Variants in ITSN1 observed in about 807,000 individuals in gnomAD.
ITSN1 encodes intersectin-1.
In ITSN1, 58 loss-of-function variants were observed where a neutral mutation model predicts 239.8. The ratio of observed to expected loss-of-function variants is 0.24; its 90% CI spans 0.20 to 0.30. The LOEUF is 0.30. Among genes scored for constraint, ITSN1 ranks in the 10% least tolerant of loss-of-function variants. The pLI, the probability that ITSN1 is intolerant of heterozygous loss-of-function variation, is 1.00. For missense variants in ITSN1, 1,558 were observed against 2,103.3 expected (o/e 0.74, Z 5.07); for synonymous variants, 780 against 770.8 (o/e 1.01, Z -0.20).
intron 5 of ITSN1, among the ~76,000 whole-genome samples, chr21:33,749,337 AT>A (rs2067395751): frequency 6.6e-6 from 1 of 152,048 alleles, no homozygotes. Context: ...TGGTTAGAAT[AT>A]TTTTGTATAA....
chr21:33,812,586 C>A (rs1365881072), intron 21 of ITSN1, among the ~76,000 whole-genome samples: 2 of 152,186 alleles, frequency 1.3e-5, no homozygotes, highest in East Asian at 3.8e-4. Context: ...GCACCCTTGA[C>A]CTCCTGGGCT....
intron 5 of ITSN1, among the ~76,000 whole-genome samples, chr21:33,747,658 T>G (rs940916786): frequency 1.9e-4 from 29 of 152,130 alleles, no homozygotes; most frequent in African/African-American, 6.8e-4. Flanking sequence ...TTGAAAACAA[T>G]GGAGGTTAGA....
At position 33,865,301 on chromosome 21, in the gene ITSN1, G is replaced by A. The variant is rs751375344; in HGVS notation, c.4041G>A (p.Thr1347=). The change falls in exon 32 of 40, where the codon ACG becomes ACA. Residue 1347 remains threonine, a synonymous_variant. Coordinates refer to ENST00000381318, the MANE Select transcript of ITSN1 (RefSeq NM_003024.3). This position sits in a 1 kb window ranked among gnomAD's most constrained non-coding sequence, Gnocchi z 4.4. ...GGGCTGCCCTGATCCAGCAGAAGACGGATGAGGCCCCAGACTTCAAGGAGT... is the reference window on the plus strand; with the variant it reads ...GGGCTGCCCTGATCCAGCAGAAGACAGATGAGGCCCCAGACTTCAAGGAGT... The part of the protein sequence containing the change: ...LNGAALIQQK[T]DEAPDFKEFV... 3.4e-5 allele frequency: 54 copies of A among 1,588,172 alleles called. No homozygotes were observed. Among genetic ancestry groups the A allele is most frequent in the African/African-American group, 4.0e-5 (3 of 74,622 alleles).
chr21:33,786,335 AAAC>A (rs1231459070), intron 16 of ITSN1, among the ~76,000 whole-genome samples: 1 of 152,214 alleles, frequency 6.6e-6, no homozygotes, highest in African/African-American at 2.4e-5. Flanking sequence ...CACGTTCTAG[AAAC>A]AACAATTTAA....
rs187048850 is a variant in ITSN1 at position 33,780,558 on chromosome 21, G to T, written c.1597-903G>T. Among the ~76,000 whole-genome samples, 387 of 152,236 alleles carry T rather than the reference G, an allele frequency of 2.5e-3. 2 individuals are homozygous for T. The highest frequency in any genetic ancestry group is 1.2e-3 in the Non-Finnish European group (81 of 68,012). ...ACCATTTAGACATGCATTACACAGA[G>T]ATTTATTCCACATAAGCCAGTCTGT... is the stretch of plus-strand genomic sequence containing the variant. On this transcript the variant is annotated intron_variant, in intron 14 of 39. Transcript: ENST00000381318.
chr21:33,741,669 G>C (rs762961689), intron 5 of ITSN1, among the ~76,000 whole-genome samples: 4 of 152,010 alleles, frequency 2.6e-5, no homozygotes, highest in African/African-American at 4.8e-5. Flanking sequence ...CAGGTGGGCG[G>C]ATCATGAGGT....
chr21:33,788,417 A>G (rs2070835772), intron 16 of ITSN1, among the ~76,000 whole-genome samples: 1 of 152,222 alleles, frequency 6.6e-6, no homozygotes. Context: ...TTCAAACAGT[A>G]TATCCCATTT....
chr21:33,884,891 A>G, intron 36 of ITSN1, 150 bp from the exon 37 acceptor site: 1 of 627,576 alleles, frequency 1.6e-6, no homozygotes, highest in Non-Finnish European at 2.8e-6. Context: ...TATTAGCGTC[A>G]CGTGACATAA....
At position 33,882,764 on chromosome 21, in the gene ITSN1, A is replaced by G. The variant is rs541765642; in HGVS notation, c.4554+309A>G. Among the ~76,000 whole-genome samples, 27 of 152,062 alleles carry G rather than the reference A, an allele frequency of 1.8e-4. No individual in the cohort carries two copies. Among genetic ancestry groups the G allele is most frequent in the Non-Finnish European group, 3.1e-4 (21 of 68,006 alleles). ...AGGGTACAGATGAGGCAGGTGTGAA[A>G]AAGCTCGGGAGAAGAGGTGCAAAAC... On this transcript the variant is annotated intron_variant, in intron 35 of 39. Coordinates refer to ENST00000381318, the MANE Select transcript of ITSN1 (RefSeq NM_003024.3). The surrounding 1 kb of genome is among the most constrained non-coding windows in gnomAD (Gnocchi z 4.5).
At chr21:33,770,056 A>T (rs999179002) in intron 11 of ITSN1, among the ~76,000 whole-genome samples, 1 of 147,686 alleles carries the variant, frequency 6.8e-6, no homozygotes, top group African/African-American at 2.5e-5. Context: ...TCAACGGCTA[A>T]TTTTTTTTGT....
In ITSN1 at chr21:33,794,485, T is replaced by C; in HGVS notation, c.1952+17T>C. 2 of 1,602,160 alleles carry C rather than the reference T, an allele frequency of 1.2e-6. No individual in the cohort carries two copies. Among genetic ancestry groups the C allele is most frequent in the Non-Finnish European group, 1.7e-6 (2 of 1,176,570 alleles). On this transcript the variant is annotated intron_variant, in intron 17 of 39. Transcript: ENST00000381318. ...AGCCCAAAGGTGAGTCTTCTTTGGA[T>C]TGTGGACTCATCTGGAAGGAACTTT...
At chr21:33,713,828 C>CTTTTTTTT (rs35226795) in intron 1 of ITSN1, among the ~76,000 whole-genome samples, 4 of 89,380 alleles carry the variant, frequency 4.5e-5, no homozygotes, top group African/African-American at 4.6e-5. Context: ...CCAGCCTCAT[C>CTTTTTTTT]TTTTTTTTTT....
chr21:33,791,817 A>C (rs73199882), intron 16 of ITSN1, among the ~76,000 whole-genome samples: 1 of 152,186 alleles, frequency 6.6e-6, no homozygotes, highest in Non-Finnish European at 1.5e-5. Context: ...TATTTTGAAT[A>C]TCACTCATGA....
chr21:33,744,983 C>T (rs1440088839), intron 5 of ITSN1, among the ~76,000 whole-genome samples: 1 of 152,146 alleles, frequency 6.6e-6, no homozygotes, highest in Non-Finnish European at 1.5e-5. Context: ...CTAGTATATC[C>T]TCATTAGAAG....
At chr21:33,675,935 T>C (rs2090563214) in intron 1 of ITSN1, among the ~76,000 whole-genome samples, 1 of 152,184 alleles carries the variant, frequency 6.6e-6, no homozygotes, top group Admixed American at 6.5e-5. Flanking sequence ...TTTCCAAAAT[T>C]TCATTTGCTT....
intron 9 of ITSN1, among the ~76,000 whole-genome samples, chr21:33,765,476 G>T (rs2068654344): frequency 6.6e-6 from 1 of 152,188 alleles, no homozygotes; most frequent in Admixed American, 6.5e-5. Context: ...AGTGAACTGT[G>T]ATCATGACTG....
intron 12 of ITSN1, 47 bp from the exon 13 acceptor site, chr21:33,774,677 TGTGTA>T: frequency 6.5e-7 from 1 of 1,547,478 alleles, no homozygotes; most frequent in Non-Finnish European, 8.8e-7. Context: ...GAAAAGACAT[TGTGTA>T]GTGTAAGAAC....
At chr21:33,719,153 A>G (rs750849357) in intron 2 of ITSN1, among the ~76,000 whole-genome samples, 10 of 152,208 alleles carry the variant, frequency 6.6e-5, no homozygotes, top group East Asian at 1.9e-4. Flanking sequence ...AAAATTTACA[A>G]TACCGGGCCG....
intron 1 of ITSN1, among the ~76,000 whole-genome samples, chr21:33,651,762 G>A (rs1225815062): frequency 3.3e-5 from 5 of 152,138 alleles, no homozygotes; most frequent in African/African-American, 1.2e-4. Flanking sequence ...AGGAAGATCT[G>A]TTTTGTAAAA....
Sources: allele counts gnomAD v4.1 joint callset (sites outside exome capture counted in the v4.1 genomes callset), GRCh38; gene constraint gnomAD v4.1.1; non-coding constraint Gnocchi (gnomAD v3.1); transcripts MANE v1.5; gene names NCBI Gene and HGNC (gene_info 2026-07-23, HGNC 2026-07-21).